The following RELB variants were observed in gnomAD, a reference collection of about 807,000 sequenced individuals.
RELB encodes the protein transcription factor RelB.
Under a neutral mutation model 55.4 loss-of-function variants are expected in RELB, and 14 were observed. The ratio of observed to expected loss-of-function variants is 0.25; its 90% CI spans 0.17 to 0.40. The LOEUF (loss-of-function observed/expected upper bound fraction) is 0.40, where lower values mean the gene tolerates loss of function less well. Among genes scored for constraint, RELB ranks in the 10% least tolerant of loss-of-function variants. The pLI is 1.00. For missense variants in RELB, 669 were observed against 830.7 expected (o/e 0.81, Z 2.39); for synonymous variants, 409 against 371.3 (o/e 1.10, Z -1.17).
chr19:45,018,673 TA>T (rs201797133), intron 4 of RELB, among the ~76,000 whole-genome samples: 5,821 of 148,478 alleles, frequency 0.039, 213 homozygotes, highest in African/African-American at 0.091. Context: ...GTTATTTATT[TA>T]TTTTTTTTTA....
At chr19:45,005,576 A>G (rs1309085552) in intron 2 of RELB, among the ~76,000 whole-genome samples, 1 of 152,120 alleles carries the variant, frequency 6.6e-6, no homozygotes, top group African/African-American at 2.4e-5. Context: ...ACACTGCCCA[A>G]GCGGTGGTCC....
At chr19:45,006,287 C>T (rs1971281083) in intron 2 of RELB, among the ~76,000 whole-genome samples, 1 of 152,164 alleles carries the variant, frequency 6.6e-6, no homozygotes, top group Admixed American at 6.6e-5. Context: ...TTACTGCAAC[C>T]TCCGACTCCC....
chr19:45,029,427 A>G (rs76091625), intron 8 of RELB, among the ~76,000 whole-genome samples: 1 of 152,150 alleles, frequency 6.6e-6, no homozygotes, highest in Non-Finnish European at 1.5e-5. Flanking sequence ...TAAAAAAAAA[A>G]GACAGCTGGT....
At chr19:45,036,359 C>T (rs1265575285) in intron 11 of RELB, among the ~76,000 whole-genome samples, 1 of 152,212 alleles carries the variant, frequency 6.6e-6, no homozygotes, top group Non-Finnish European at 1.5e-5. Context: ...AGGCGTGAGC[C>T]ACCATGCCTG....
chr19:45,002,348 T>C (rs1360446411), intron 1 of RELB, among the ~76,000 whole-genome samples: 2 of 152,084 alleles, frequency 1.3e-5, no homozygotes, highest in East Asian at 3.9e-4. Flanking sequence ...TTTTTTTTTG[T>C]TTGTTTTTTG....
At chr19:45,006,205 A>G (rs1758797325) in intron 2 of RELB, among the ~76,000 whole-genome samples, 1 of 152,106 alleles carries the variant, frequency 6.6e-6, no homozygotes, top group African/African-American at 2.4e-5. Context: ...GGGAAGGAAA[A>G]TTCCCTTTTT....
intron 5 of RELB, among the ~76,000 whole-genome samples, chr19:45,023,623 A>T (rs1971518531): frequency 6.7e-6 from 1 of 149,524 alleles, no homozygotes; most frequent in Admixed American, 6.7e-5. Flanking sequence ...TATTTTTAGT[A>T]CAGACGGGGT....
intron 2 of RELB, among the ~76,000 whole-genome samples, chr19:45,006,834 A>T (rs1600062377): frequency 6.6e-6 from 1 of 151,932 alleles, no homozygotes; most frequent in South Asian, 2.1e-4. Context: ...GGTGGCCTGT[A>T]ATCCCAGCTA....
intron 7 of RELB, among the ~76,000 whole-genome samples, chr19:45,028,470 C>T (rs1440565790): frequency 6.6e-6 from 1 of 152,078 alleles, no homozygotes; most frequent in Non-Finnish European, 1.5e-5. Flanking sequence ...CTGCCTCAGC[C>T]TCCTGAGTAA....
chr19:45,003,915 G>GTTTTTTT lies in RELB; in HGVS notation c.154+939_154+945dup, dbSNP rs1039624578. Among the ~76,000 whole-genome samples the GTTTTTTT allele has an allele frequency of 3.0e-4, 19 of 63,576 alleles. 3 individuals are homozygous for GTTTTTTT. The highest frequency in any genetic ancestry group is 2.4e-3 in the East Asian group (4 of 1,646). The allele number at this position is 63,576 out of a possible 152,430, so 41.7% of individuals were successfully genotyped here. On this transcript the variant is annotated intron_variant, in intron 2 of 11. Coordinates refer to ENST00000221452, the MANE Select transcript of RELB (RefSeq NM_006509.4). ...TGGGTTTTTTTTGTCTGTTTTTTGT[G>GTTTTTTT]TTTTTTTTTTTTTTTTTTTTTTTTT...
At chr19:45,012,324 G>A in intron 4 of RELB, 48 bp downstream of exon 4, 1 of 1,181,626 alleles carries the variant, frequency 8.5e-7, no homozygotes, top group Non-Finnish European at 1.1e-6. Context: ...GGCTTCCCCT[G>A]CACCCCGGAG....
At position 45,025,741 on chromosome 19, in the gene RELB, A is replaced by G. The variant is rs1568402962; in HGVS notation, c.886+4A>G. ...TCCGAGCCCGTCTATGACAAGAGTGAGTTGAGAGTGCTGTGGCCGTTAGGA... is the reference window on the plus strand; with the variant it reads ...TCCGAGCCCGTCTATGACAAGAGTGGGTTGAGAGTGCTGTGGCCGTTAGGA... On this transcript the variant is annotated splice_donor_region_variant and intron_variant, in intron 7 of 11. Transcript: ENST00000221452. 1 of 1,613,856 alleles carries G rather than the reference A, an allele frequency of 6.2e-7. No individual in the cohort carries two copies. The highest frequency in any genetic ancestry group is 2.2e-5 in the East Asian group (1 of 44,876).
intron 2 of RELB, among the ~76,000 whole-genome samples, chr19:45,004,368 A>T: frequency 6.6e-6 from 1 of 150,582 alleles, no homozygotes; most frequent in South Asian, 2.1e-4. Context: ...GATTACAGTC[A>T]TGTGCCACCA....
chr19:45,005,191 C>A (rs1449370972), intron 2 of RELB, among the ~76,000 whole-genome samples: 1 of 151,980 alleles, frequency 6.6e-6, no homozygotes, highest in African/African-American at 2.4e-5. Context: ...AAACAAAAAA[C>A]CATGTCAGGC....
In RELB at chr19:45,012,472, G is replaced by T. The variant is rs575181205; in HGVS notation, c.504+196G>T. On this transcript the variant is annotated intron_variant, in intron 4 of 11. Coordinates refer to ENST00000221452, the MANE Select transcript of RELB (RefSeq NM_006509.4). ...AGGGGTCGGACATTTGGCTGGGCAC[G>T]GTGACTCGCGCCTGTAATCCCAGTA... Among the ~76,000 whole-genome samples the T allele has an allele frequency of 1.5e-4, 23 of 152,274 alleles. No homozygotes were observed. The South Asian group carries it at 4.3e-3, about 29-fold the overall frequency.
chr19:45,017,377 T>G (rs1971431257), intron 4 of RELB, among the ~76,000 whole-genome samples: 1 of 147,860 alleles, frequency 6.8e-6, no homozygotes, highest in South Asian at 2.1e-4. Context: ...CCACCTGAGG[T>G]TAGGAGTTCG....
At chr19:45,006,796 A>G (rs1054290706) in intron 2 of RELB, among the ~76,000 whole-genome samples, 2 of 151,482 alleles carry the variant, frequency 1.3e-5, no homozygotes, top group African/African-American at 2.4e-5. Context: ...CCTCATCTCT[A>G]CTAAAAATAC....
chr19:45,032,176 C>T (rs936633399), intron 8 of RELB, among the ~76,000 whole-genome samples: 4 of 151,846 alleles, frequency 2.6e-5, no homozygotes, highest in Non-Finnish European at 5.9e-5. Context: ...TTGGAGGTTG[C>T]AGTGAGCCGA....
Position 45,021,803 on chromosome 19 carries a change from G to A in RELB, c.505-250G>A, listed in dbSNP as rs1306999180. On this transcript the variant is annotated intron_variant, in intron 4 of 11. Coordinates refer to ENST00000221452, the MANE Select transcript of RELB (RefSeq NM_006509.4). ...TTAGCCAGGCTGGTCTGGAACTCCC[G>A]ACCTCAGGTGATCCGCCCACCTCGG... The A allele has an allele frequency of 2.8e-4, 108 of 380,068 alleles. 1 individual carries two copies. The East Asian group carries it at 4.1e-3, about 15-fold the overall frequency. 23.5% of individuals were successfully genotyped at this position (380,068 alleles called of 1,614,324 possible).
Sources: gnomAD v4.1 joint callset for allele counts (sites outside exome capture counted in the v4.1 genomes callset) on GRCh38, gnomAD v4.1.1 for gene constraint, MANE v1.5 for transcripts, NCBI Gene and HGNC (gene_info 2026-07-23, HGNC 2026-07-21) for gene names.